The following HMGXB3 variants were observed in gnomAD, a reference collection of about 807,000 sequenced individuals.
HMGXB3 encodes HMG-box containing 3.
In HMGXB3, 45 loss-of-function variants were observed where a neutral mutation model predicts 121.5. The ratio of observed to expected loss-of-function variants is 0.37; its 90% CI spans 0.29 to 0.47. The LOEUF (loss-of-function observed/expected upper bound fraction) is 0.47. Among genes scored for constraint, HMGXB3 ranks in the 20% least tolerant of loss-of-function variants. HMGXB3 has a pLI of 0.99. For missense variants in HMGXB3, 1,376 were observed against 1,602.2 expected (o/e 0.86, Z 2.41); for synonymous variants, 590 against 624.1 (o/e 0.95, Z 0.81).
chr5:150,010,084 C>T lies in HMGXB3; in HGVS notation c.313-27C>T, dbSNP rs77834592. On this transcript the variant is annotated intron_variant, in intron 3 of 19. Transcript: ENST00000502717. ...TTAGTCCATTTATCTCTGCTTGTCT[C>T]CCCCTTCCTGGCTTCCTCATCCTCA... 10,368 of 1,539,588 alleles carry T rather than the reference C, an allele frequency of 6.7e-3. 549 individuals carry two copies. The African/African-American group carries it at 0.12, about 18-fold the overall frequency.
Position 150,050,425 on chromosome 5 carries a change from C to A in HMGXB3, c.3375C>A (p.Asn1125Lys). The A allele has an allele frequency of 6.4e-7, 1 of 1,551,662 alleles. No individual in the cohort carries two copies. Among genetic ancestry groups the A allele is most frequent in the Non-Finnish European group, 8.7e-7 (1 of 1,146,946 alleles). ...PELTNQMWGRNQGCFSSPTEP... is the reference protein window; with the variant it reads ...PELTNQMWGRKQGCFSSPTEP... ...TGACTAACCAGATGTGGGGGAGGAA[C>A]CAGGGCTGTTTCTCTAGCCCCACAG... Residue 1125 changes from asparagine to lysine, a missense_variant, in exon 19 of 20, where the codon AAC (asparagine) becomes AAA (lysine). Physicochemically the swap from Asn to Lys is moderately conservative, Grantham distance 94. Around this residue, in one of 2 missense-constraint regions of HMGXB3, gnomAD observed 260 missense variants for 233.2 expected, o/e 1.11. Coordinates refer to ENST00000502717, the MANE Select transcript of HMGXB3 (RefSeq NM_014983.3).
At chr5:150,019,973 C>G (rs1283716978) in intron 6 of HMGXB3, among the ~76,000 whole-genome samples, 1 of 152,178 alleles carries the variant, frequency 6.6e-6, no homozygotes, top group Admixed American at 6.5e-5. Context: ...TACCTCAGTT[C>G]AGACCCCTGC....
chr5:150,008,430 CAT>C (rs1295288547), intron 3 of HMGXB3, among the ~76,000 whole-genome samples: 1 of 152,200 alleles, frequency 6.6e-6, no homozygotes, highest in Non-Finnish European at 1.5e-5. Context: ...ATAATACTGA[CAT>C]AATAAATATT....
At chr5:150,036,225 G>A (rs1581261582) in intron 11 of HMGXB3, among the ~76,000 whole-genome samples, 1 of 152,156 alleles carries the variant, frequency 6.6e-6, no homozygotes, top group African/African-American at 2.4e-5. Flanking sequence ...TACTGATACA[G>A]GTTGACTATC....
At chr5:150,029,549 A>G (rs147653866) in intron 9 of HMGXB3, among the ~76,000 whole-genome samples, 178 of 152,346 alleles carry the variant, frequency 1.2e-3, no homozygotes, top group South Asian at 2.3e-3. Context: ...CATATATACT[A>G]AAGGTTTAAT....
intron 7 of HMGXB3, 48 bp downstream of exon 7, chr5:150,024,728 T>A: frequency 7.0e-7 from 1 of 1,420,300 alleles, no homozygotes; most frequent in South Asian, 1.4e-5. Flanking sequence ...ATGCCCCATG[T>A]TTCTTTTATC....
chr5:150,005,966 T>C (rs1302906015), intron 2 of HMGXB3, among the ~76,000 whole-genome samples: 1 of 152,232 alleles, frequency 6.6e-6, no homozygotes, highest in African/African-American at 2.4e-5. Context: ...GCCAGTCAAA[T>C]GAGCCTTTGC....
At chr5:150,014,382 G>T (rs989433109) in intron 5 of HMGXB3, among the ~76,000 whole-genome samples, 1 of 152,128 alleles carries the variant, frequency 6.6e-6, no homozygotes, top group Non-Finnish European at 1.5e-5. Flanking sequence ...AATTCTTTAC[G>T]TTTGCTATTA....
chr5:150,022,927 C>T (rs542893186), intron 6 of HMGXB3, among the ~76,000 whole-genome samples: 9 of 150,936 alleles, frequency 6.0e-5, no homozygotes, highest in African/African-American at 2.2e-4. Flanking sequence ...CCTGCCACCT[C>T]AGCCTCTCGA....
In HMGXB3 at chr5:150,041,778, C is replaced by G; in HGVS notation, c.2546-7C>G. 1 of 1,549,740 alleles carries G rather than the reference C, an allele frequency of 6.5e-7. No individual in the cohort carries two copies. Among genetic ancestry groups the G allele is most frequent in the African/African-American group, 1.4e-5 (1 of 73,124 alleles). On this transcript the variant is annotated splice_polypyrimidine_tract_variant and splice_region_variant and intron_variant, in intron 14 of 19. Coordinates refer to ENST00000502717, the MANE Select transcript of HMGXB3 (RefSeq NM_014983.3). ...TGCCCTTCTCAGTGTTCTTGCTCTT[C>G]TTTCAGAGAAGACTCTGACCTCGGA...
At chr5:150,050,103 G>A in intron 18 of HMGXB3, 149 bp from the exon 19 acceptor site, 1 of 678,542 alleles carries the variant, frequency 1.5e-6, no homozygotes, top group Non-Finnish European at 2.6e-6. Context: ...TAGGAAGGGA[G>A]CAGCATGCCA....
chr5:150,052,057 C>T lies in HMGXB3; in HGVS notation c.3744C>T (p.Ile1248=), dbSNP rs768730140. The change falls in exon 20 of 20, where the codon ATC becomes ATT. Residue 1248 remains isoleucine, a synonymous_variant. Transcript: ENST00000502717. ...LTSREIVNRQ[I]HDIVQSCQPG... is the part of the protein sequence containing the mutation. ...GCCGCGAAATTGTCAATCGTCAGAT[C>T]CATGACATTGTACAGAGCTGCCAGC... The T allele has an allele frequency of 4.5e-6, 7 of 1,551,846 alleles. No homozygotes were observed. The highest frequency in any genetic ancestry group is 5.2e-6 in the Non-Finnish European group (6 of 1,147,070).
chr5:150,028,535 G>GTGTGTGTT, intron 9 of HMGXB3, among the ~76,000 whole-genome samples: 1 of 61,810 alleles, frequency 1.6e-5, no homozygotes. Context: ...GTGTGTGTGT[G>GTGTGTGTT]TGTGTGTATA....
At chr5:150,022,055 A>T in intron 6 of HMGXB3, 1 of 253,766 alleles carries the variant, frequency 3.9e-6, no homozygotes, top group Non-Finnish European at 7.3e-6. Flanking sequence ...AAAGAGCAAA[A>T]CATTATATTT....
Position 150,030,571 on chromosome 5 carries a change from ACT to A in HMGXB3, c.1735-168_1735-167del, listed in dbSNP as rs1173159253. 8.4e-6 allele frequency: 5 copies of A among 594,466 alleles called. No individual in the cohort carries two copies. In the African/African-American group the frequency reaches 9.3e-5, roughly 11 times the overall value. The allele number at this position is 594,466 out of a possible 1,614,324, so 36.8% of individuals were successfully genotyped here. A position where few individuals can be genotyped will look rare whatever the true frequency, so the allele number is the denominator to read the frequency against. On this transcript the variant is annotated intron_variant, in intron 9 of 19. Transcript: ENST00000502717. ...GGCAAGGCCTGGACTTGAACATGAC[ACT>A]CAGCCTTTGGTGGGCTTGTGACTGC...
At chr5:150,036,042 A>G (rs1158008715) in intron 11 of HMGXB3, among the ~76,000 whole-genome samples, 2 of 152,312 alleles carry the variant, frequency 1.3e-5, no homozygotes, top group East Asian at 3.9e-4. Flanking sequence ...TTCACAGATG[A>G]GGAAATTGAG....
Position 150,010,182 on chromosome 5 carries a change from A to C in HMGXB3, c.384A>C (p.Ser128=). Residue 128 remains serine (S), a synonymous_variant, in exon 4 of 20, where the codon TCA becomes TCC. Transcript: ENST00000502717. The stretch of plus-strand genomic sequence containing the variant: ...GTTTCCGCAAGATCCTCCCACGCTC[A>C]GATTATATCATCATCCCCAAGAGCA... ...IPGFRKILPR[S]DYIIIPKSSL... is the part of the protein sequence containing the mutation. 2 of 1,551,802 alleles carry C rather than the reference A, an allele frequency of 1.3e-6. No individual in the cohort carries two copies. Among genetic ancestry groups the C allele is most frequent in the Non-Finnish European group, 1.7e-6 (2 of 1,147,024 alleles).
chr5:150,052,670 T>C lies in HMGXB3; in HGVS notation c.*478T>C, dbSNP rs1756956872. 1 of 162,058 alleles carries C rather than the reference T, an allele frequency of 6.2e-6. No homozygotes were observed. Among genetic ancestry groups the C allele is most frequent in the Non-Finnish European group, 1.4e-5 (1 of 73,568 alleles). The allele number at this position is 162,058 out of a possible 1,614,324, so 10.0% of individuals were successfully genotyped here. A position where few individuals can be genotyped will look rare whatever the true frequency, so the allele number is the denominator to read the frequency against. On this transcript the variant is annotated 3_prime_UTR_variant, in exon 20 of 20. Coordinates refer to ENST00000502717, the MANE Select transcript of HMGXB3 (RefSeq NM_014983.3). Reference sequence around the variant, plus strand: ...TTGACTAGGGGCCTGGGTGGCCTCATTAACTCTAGGGGTCCCTTTGGGCTC... The same window carrying C: ...TTGACTAGGGGCCTGGGTGGCCTCACTAACTCTAGGGGTCCCTTTGGGCTC...
intron 1 of HMGXB3, among the ~76,000 whole-genome samples, chr5:150,003,353 A>G (rs1755623298): frequency 6.6e-6 from 1 of 152,098 alleles, no homozygotes; most frequent in Admixed American, 6.5e-5. Context: ...AAGAAGGCCC[A>G]GGGAGTTGGA....
Sources: allele counts gnomAD v4.1 joint callset (sites outside exome capture counted in the v4.1 genomes callset), GRCh38; gene constraint gnomAD v4.1.1; regional missense constraint gnomAD v4.1.1; transcripts MANE v1.5; gene names NCBI Gene and HGNC (gene_info 2026-07-23, HGNC 2026-07-21).